Variants in KCNJ4 observed in about 807,000 individuals in gnomAD.
The protein encoded by KCNJ4 is inward rectifier potassium channel 4.
In KCNJ4, 3 loss-of-function variants were observed where a neutral mutation model predicts 25.6. The ratio of observed to expected loss-of-function variants is 0.12; its 90% CI spans 0.05 to 0.30. The LOEUF (loss-of-function observed/expected upper bound fraction) is 0.30, where lower values mean the gene tolerates loss of function less well. Ranked by LOEUF, KCNJ4 falls within the 10% of genes least tolerant of loss-of-function variation. The pLI, the probability that KCNJ4 is intolerant of heterozygous loss-of-function variation, is 1.00. For synonymous variants in KCNJ4, 257 were observed against 283.9 expected (o/e 0.91, Z 0.95); for missense variants, 286 against 666.8 (o/e 0.43, Z 6.29).
chr22:38,450,933 C>A (rs1370743345), intron 1 of KCNJ4, among the ~76,000 whole-genome samples: 1 of 152,270 alleles, frequency 6.6e-6, no homozygotes, highest in East Asian at 1.9e-4. Flanking sequence ...CAGAGACAGC[C>A]CCCGAGAATC....
chr22:38,450,924 A>G lies in KCNJ4; in HGVS notation c.-40+4056T>C, dbSNP rs563798390. Among the ~76,000 whole-genome samples, 1,321 of 152,236 alleles carry G rather than the reference A, an allele frequency of 8.7e-3. 20 individuals are homozygous for G. Among genetic ancestry groups the G allele is most frequent in the African/African-American group, 0.031 (1,269 of 41,548 alleles). Reference sequence around the variant, plus strand: ...TCCACTCTTTCCCCAGGGAAGCCCCAGAGACAGCCCCCGAGAATCAGACTA... The same window carrying G: ...TCCACTCTTTCCCCAGGGAAGCCCCGGAGACAGCCCCCGAGAATCAGACTA... On this transcript the variant is annotated intron_variant, in intron 1 of 1. Transcript: ENST00000303592.
intron 1 of KCNJ4, among the ~76,000 whole-genome samples, chr22:38,447,444 C>T (rs1276385324): frequency 6.6e-6 from 1 of 152,174 alleles, no homozygotes; most frequent in Non-Finnish European, 1.5e-5. Context: ...CCTGTGCCCA[C>T]CACCTCCCCT....
intron 1 of KCNJ4, among the ~76,000 whole-genome samples, chr22:38,434,686 C>T (rs1268818176): frequency 6.6e-6 from 1 of 152,174 alleles, no homozygotes; most frequent in African/African-American, 2.4e-5. Context: ...CTACCCTGAG[C>T]CCCTGAGGCT....
In KCNJ4 at chr22:38,427,046, C is replaced by G. The variant is rs750382942; in HGVS notation, c.1087G>C (p.Ala363Pro). The G allele has an allele frequency of 1.8e-5, 29 of 1,612,438 alleles. No individual in the cohort carries two copies. The highest frequency in any genetic ancestry group is 2.5e-5 in the Non-Finnish European group (29 of 1,179,862). ...AAGGCACTGGGAGGGGGCGGTGGGG[C>G]GGGCAGCACGGTGATCTTACTCTCC... ...LQESKITVLP[A>P]PPPPPSAFCY... is the part of the protein sequence containing the mutation. The change falls in exon 2 of 2, where the codon GCC becomes CCC. Residue 363 changes from alanine (A) to proline (P), a missense_variant. By Grantham distance (27) the Ala-to-Pro change is conservative. This residue lies in a region of KCNJ4 where 36 missense variants were observed against 100.1 expected (regional missense o/e 0.36). Coordinates refer to ENST00000303592, the MANE Select transcript of KCNJ4 (RefSeq NM_152868.3).
chr22:38,430,400 G>A (rs530830877), intron 1 of KCNJ4, among the ~76,000 whole-genome samples: 2 of 152,192 alleles, frequency 1.3e-5, no homozygotes, highest in Non-Finnish European at 2.9e-5. Flanking sequence ...GCTACTGGGG[G>A]GCTGAGGCAG....
chr22:38,449,054 A>G lies in KCNJ4; in HGVS notation c.-40+5926T>C, dbSNP rs545409560. Among the ~76,000 whole-genome samples the G allele has an allele frequency of 1.2e-3, 189 of 152,142 alleles. No homozygotes were observed. The highest frequency in any genetic ancestry group is 3.9e-3 in the African/African-American group (160 of 41,508). ...CCCCTAAGGACCTCTTGACCTGCCA[A>G]TGTCTCTCTGGGGCACCTCACCCTC... On this transcript the variant is annotated intron_variant, in intron 1 of 1. Coordinates refer to ENST00000303592, the MANE Select transcript of KCNJ4 (RefSeq NM_152868.3). This position sits in a 1 kb window ranked among gnomAD's most constrained non-coding sequence, Gnocchi z 5.2.
chr22:38,430,357 G>A lies in KCNJ4; in HGVS notation c.-39-2186C>T, dbSNP rs2093045911. Reference sequence around the variant, plus strand: ...GTCTCTACTGAAAATACAAAAATTAGGCCGGGCATGGTGGCGTGTGCCTGT... The same window carrying A: ...GTCTCTACTGAAAATACAAAAATTAAGCCGGGCATGGTGGCGTGTGCCTGT... On this transcript the variant is annotated intron_variant, in intron 1 of 1. Coordinates refer to ENST00000303592, the MANE Select transcript of KCNJ4 (RefSeq NM_152868.3). 2.0e-5 allele frequency among the ~76,000 whole-genome samples: 3 copies of A among 152,146 alleles called. No homozygotes were observed. The South Asian group carries it at 6.2e-4, about 32-fold the overall frequency.
At chr22:38,447,848 A>G (rs1026459462) in intron 1 of KCNJ4, among the ~76,000 whole-genome samples, 1 of 151,870 alleles carries the variant, frequency 6.6e-6, no homozygotes, top group African/African-American at 2.4e-5. Flanking sequence ...GGCGGATCAC[A>G]AGGTCAGGAG....
chr22:38,450,481 G>A (rs1363002435), intron 1 of KCNJ4, among the ~76,000 whole-genome samples: 4 of 152,116 alleles, frequency 2.6e-5, no homozygotes, highest in Admixed American at 2.6e-4. Flanking sequence ...ACCAGGCTCT[G>A]TAGCACATGT....
intron 1 of KCNJ4, among the ~76,000 whole-genome samples, chr22:38,451,387 C>A (rs1212429211): frequency 6.6e-6 from 1 of 152,222 alleles, no homozygotes; most frequent in Admixed American, 6.5e-5. Flanking sequence ...GGAGCATAAG[C>A]TTCCAGTTAA....
chr22:38,441,399 A>G (rs1376547319), intron 1 of KCNJ4, among the ~76,000 whole-genome samples: 1 of 152,152 alleles, frequency 6.6e-6, no homozygotes, highest in Non-Finnish European at 1.5e-5. Flanking sequence ...ATGTCTGATC[A>G]TCATCTGACC....
chr22:38,454,707 G>A (rs1352888583), intron 1 of KCNJ4, among the ~76,000 whole-genome samples: 1 of 152,096 alleles, frequency 6.6e-6, no homozygotes, highest in African/African-American at 2.4e-5. Flanking sequence ...TGGGGCAGGA[G>A]GTCAAGACCC....
rs146567318 is a variant in KCNJ4, at chr22:38,427,831, G to A, written c.302C>T (p.Ala101Val). 2.7e-5 allele frequency: 44 copies of A among 1,608,588 alleles called. No individual in the cohort carries two copies. Among genetic ancestry groups the A allele is most frequent in the Admixed American group, 5.0e-5 (3 of 59,682 alleles). The change falls in exon 2 of 2, where the codon GCG becomes GTG. Residue 101 changes from alanine (A) to valine (V), a missense_variant. By Grantham distance (64) the Ala-to-Val change is moderately conservative. Around this residue, in one of 11 missense-constraint regions of KCNJ4, gnomAD observed 22 missense variants for 25.8 expected, o/e 0.85. Coordinates refer to ENST00000303592, the MANE Select transcript of KCNJ4 (RefSeq NM_152868.3). ...CACCGGGGCTGCTCCGCCACCACCCGCCGCCGGGCCCCCCGCCGCAGGCAC... is the reference window on the plus strand; with the variant it reads ...CACCGGGGCTGCTCCGCCACCACCCACCGCCGGGCCCCCCGCCGCAGGCAC... Reference protein sequence around the residue: ...PGVPAAGGPAAGGGGAAPVAP... With the variant: ...PGVPAAGGPAVGGGGAAPVAP...
At chr22:38,444,176 A>G (rs1569123376) in intron 1 of KCNJ4, among the ~76,000 whole-genome samples, 1 of 152,168 alleles carries the variant, frequency 6.6e-6, no homozygotes, top group Non-Finnish European at 1.5e-5. Context: ...CTCATCTGCA[A>G]CATCATTACA....
intron 1 of KCNJ4, among the ~76,000 whole-genome samples, chr22:38,438,887 T>G (rs2089312593): frequency 6.6e-6 from 1 of 152,188 alleles, no homozygotes; most frequent in South Asian, 2.1e-4. Flanking sequence ...CTGTCAGGCT[T>G]TGCCTGGTCT....
At chr22:38,436,067 T>C (rs1434924489) in intron 1 of KCNJ4, among the ~76,000 whole-genome samples, 2 of 152,222 alleles carry the variant, frequency 1.3e-5, no homozygotes, top group African/African-American at 4.8e-5. Context: ...GCTTCAGCTC[T>C]GGAGCCTCTA....
chr22:38,454,877 G>A (rs368470751), intron 1 of KCNJ4, 103 bp downstream of exon 1: 12 of 151,842 alleles, frequency 7.9e-5, no homozygotes, highest in Admixed American at 5.9e-4. Context: ...TCCGGATCAG[G>A]TGCGGAGCGG....
intron 1 of KCNJ4, among the ~76,000 whole-genome samples, chr22:38,436,814 C>G (rs1285716748): frequency 6.6e-6 from 1 of 152,208 alleles, no homozygotes; most frequent in Non-Finnish European, 1.5e-5. Context: ...AGAGGTTCAG[C>G]AACTTGCCCA....
At position 38,449,788 on chromosome 22, in the gene KCNJ4, C is replaced by G. The variant is rs987550399; in HGVS notation, c.-40+5192G>C. Among the ~76,000 whole-genome samples, 1 of 152,264 alleles carries G rather than the reference C, an allele frequency of 6.6e-6. No homozygotes were observed. Among genetic ancestry groups the G allele is most frequent in the African/African-American group, 2.4e-5 (1 of 41,478 alleles). ...AGTTTCCCCTTCTGTAAATGAGAATCATCTATGTCCAAAGTCTTCCAGGTT... is the reference window on the plus strand; with the variant it reads ...AGTTTCCCCTTCTGTAAATGAGAATGATCTATGTCCAAAGTCTTCCAGGTT... On this transcript the variant is annotated intron_variant, in intron 1 of 1. Coordinates refer to ENST00000303592, the MANE Select transcript of KCNJ4 (RefSeq NM_152868.3). The surrounding 1 kb of genome is among the most constrained non-coding windows in gnomAD (Gnocchi z 5.2).
Sources: allele counts gnomAD v4.1 joint callset (sites outside exome capture counted in the v4.1 genomes callset), GRCh38; gene constraint gnomAD v4.1.1; regional missense constraint gnomAD v4.1.1; non-coding constraint Gnocchi (gnomAD v3.1); transcripts MANE v1.5; gene names NCBI Gene and HGNC (gene_info 2026-07-23, HGNC 2026-07-21).